STXBP5L: variants seen among roughly 807,000 people sequenced by gnomAD.
The protein encoded by STXBP5L is syntaxin-binding protein 5-like.
In STXBP5L, 65 loss-of-function variants were observed where a neutral mutation model predicts 144.5. The observed-to-expected ratio is 0.45, with a 90% CI of 0.37 to 0.55. The LOEUF (loss-of-function observed/expected upper bound fraction) is 0.55, where lower values mean the gene tolerates loss of function less well. Ranked by LOEUF, STXBP5L falls within the 20% of genes least tolerant of loss-of-function variation. The pLI is 0.00. For missense variants in STXBP5L, 1,298 were observed against 1,405.5 expected (o/e 0.92, Z 1.22); for synonymous variants, 505 against 469.6 (o/e 1.08, Z -0.97).
intron 5 of STXBP5L, among the ~76,000 whole-genome samples, chr3:121,087,277 G>T (rs1020271811): frequency 6.6e-6 from 1 of 152,034 alleles, no homozygotes; most frequent in Non-Finnish European, 1.5e-5. Context: ...TGAGAGAGAG[G>T]TATTGAAGTC....
intron 5 of STXBP5L, among the ~76,000 whole-genome samples, chr3:121,082,854 CTT>C (rs2042317094): frequency 1.3e-5 from 2 of 152,246 alleles, no homozygotes; most frequent in African/African-American, 4.8e-5. Context: ...ATAAGCCTCT[CTT>C]GTTTTTAAAT....
intron 11 of STXBP5L, 26 bp downstream of exon 11, chr3:121,223,183 A>G (rs2049025868): frequency 1.3e-6 from 2 of 1,560,842 alleles, no homozygotes; most frequent in Admixed American, 4.2e-5. Context: ...GAAACTATTA[A>G]TGTTGAAAAT....
intron 18 of STXBP5L, among the ~76,000 whole-genome samples, chr3:121,271,919 A>G (rs2050746014): frequency 6.6e-6 from 1 of 152,214 alleles, no homozygotes; most frequent in African/African-American, 2.4e-5. Flanking sequence ...ACATCTTACT[A>G]TGGTGGAACA....
At chr3:120,985,396 A>G (rs564974418) in intron 3 of STXBP5L, among the ~76,000 whole-genome samples, 1 of 152,216 alleles carries the variant, frequency 6.6e-6, no homozygotes, top group African/African-American at 2.4e-5. Context: ...TAACATATCC[A>G]GCACCTGAAA....
chr3:121,410,064 T>C (rs2047080925), intron 23 of STXBP5L, among the ~76,000 whole-genome samples: 1 of 152,104 alleles, frequency 6.6e-6, no homozygotes, highest in East Asian at 1.9e-4. Flanking sequence ...TTCTCTCATG[T>C]ATTTCTGATT....
At chr3:120,962,112 G>C (rs866540654) in intron 3 of STXBP5L, among the ~76,000 whole-genome samples, 1 of 151,352 alleles carries the variant, frequency 6.6e-6, no homozygotes, top group South Asian at 2.1e-4. Flanking sequence ...CCCACTTTTC[G>C]ATGGGGTTGT....
intron 14 of STXBP5L, among the ~76,000 whole-genome samples, chr3:121,246,157 T>A (rs1362084311): frequency 6.6e-6 from 1 of 152,168 alleles, no homozygotes; most frequent in African/African-American, 2.4e-5. Context: ...CTGCCTCCTG[T>A]TAGATCAGGG....
chr3:121,100,407 A>T (rs2043357011), intron 5 of STXBP5L, among the ~76,000 whole-genome samples: 1 of 152,176 alleles, frequency 6.6e-6, no homozygotes, highest in Non-Finnish European at 1.5e-5. Context: ...ATACTCTCAG[A>T]AAACAGTGGA....
chr3:121,244,734 G>GT (rs1374690128), intron 14 of STXBP5L, among the ~76,000 whole-genome samples: 1 of 151,940 alleles, frequency 6.6e-6, no homozygotes, highest in African/African-American at 2.4e-5. Context: ...TTGTCAGCAG[G>GT]TTTTTTAGCA....
chr3:120,931,275 G>C (rs1299390351), intron 2 of STXBP5L, among the ~76,000 whole-genome samples: 12 of 152,156 alleles, frequency 7.9e-5, no homozygotes, highest in Non-Finnish European at 1.5e-4. Flanking sequence ...AAGGTAGGAA[G>C]AGTGGCATGA....
chr3:121,123,388 A>T (rs2044559098), intron 7 of STXBP5L, among the ~76,000 whole-genome samples: 1 of 151,668 alleles, frequency 6.6e-6, no homozygotes, highest in Admixed American at 6.6e-5. Flanking sequence ...AAATAGTCTA[A>T]ATGTCTCTTA....
rs1201056167 is a variant in STXBP5L at position 121,420,551 on chromosome 3, C to T, written c.*1454C>T. ...ACCAGAAAAGCACCAGAGTCAAAAC[C>T]AAATAGAGACACCTACTACCATTTA... On this transcript the variant is annotated 3_prime_UTR_variant, in exon 27 of 27. Coordinates refer to ENST00000471454, the MANE Select transcript of STXBP5L (RefSeq NM_001308330.2). 1 of 152,010 alleles carries T rather than the reference C, an allele frequency of 6.6e-6. No homozygotes were observed. The highest frequency in any genetic ancestry group is 2.4e-5 in the African/African-American group (1 of 41,406). The allele number at this position is 152,010 out of a possible 1,614,324, so 9.4% of individuals were successfully genotyped here. A position where few individuals can be genotyped will look rare whatever the true frequency, so the allele number is the denominator to read the frequency against.
chr3:121,311,163 C>T (rs995691086), intron 19 of STXBP5L, among the ~76,000 whole-genome samples: 4 of 152,048 alleles, frequency 2.6e-5, no homozygotes, highest in African/African-American at 9.7e-5. Context: ...AATTTAAAAT[C>T]ATAATAAGAT....
chr3:121,007,543 A>T (rs1233085605), intron 3 of STXBP5L, among the ~76,000 whole-genome samples: 2 of 152,032 alleles, frequency 1.3e-5, no homozygotes, highest in African/African-American at 2.4e-5. Context: ...TTAAACTAGA[A>T]ATTAAAATTC....
intron 3 of STXBP5L, among the ~76,000 whole-genome samples, chr3:120,998,749 G>T (rs913413675): frequency 6.6e-6 from 1 of 152,130 alleles, no homozygotes; most frequent in Non-Finnish European, 1.5e-5. Flanking sequence ...GTTAAATCAA[G>T]AATGCATTCC....
At chr3:121,188,993 C>T (rs372265178) in intron 9 of STXBP5L, among the ~76,000 whole-genome samples, 6 of 152,146 alleles carry the variant, frequency 3.9e-5, no homozygotes, top group Non-Finnish European at 8.8e-5. Context: ...AAAGGGTATT[C>T]AATTAGGAAA....
intron 10 of STXBP5L, among the ~76,000 whole-genome samples, chr3:121,218,075 T>C (rs948595684): frequency 2.1e-5 from 3 of 141,526 alleles, no homozygotes; most frequent in Non-Finnish European, 3.0e-5. Flanking sequence ...CTATATACAG[T>C]ATATAATATA....
At chr3:121,360,163 T>A (rs1320485916) in intron 20 of STXBP5L, among the ~76,000 whole-genome samples, 2 of 150,438 alleles carry the variant, frequency 1.3e-5, no homozygotes, top group African/African-American at 4.9e-5. Flanking sequence ...TGATCTTCTT[T>A]TCTCTTCTTA....
intron 3 of STXBP5L, among the ~76,000 whole-genome samples, chr3:120,988,704 A>G (rs998301456): frequency 2.0e-5 from 3 of 152,062 alleles, no homozygotes; most frequent in Admixed American, 1.3e-4. Flanking sequence ...GTACAAGTGC[A>G]GTTTTGTTAC....
Sources: allele counts gnomAD v4.1 joint callset (sites outside exome capture counted in the v4.1 genomes callset), GRCh38; gene constraint gnomAD v4.1.1; transcripts MANE v1.5; gene names NCBI Gene and HGNC (gene_info 2026-07-23, HGNC 2026-07-21).